HSD17B3: variants seen among roughly 807,000 people sequenced by gnomAD.
HSD17B3 encodes the protein hydroxysteroid 17-beta dehydrogenase 3.
A neutral mutation model predicts 41.1 loss-of-function variants in HSD17B3; 29 were observed. The ratio of observed to expected loss-of-function variants is 0.71; its 90% CI spans 0.53 to 0.96. HSD17B3 has a LOEUF of 0.96. Ranked by LOEUF, HSD17B3 falls within the 40% of genes least tolerant of loss-of-function variation. The probability of loss-of-function intolerance (pLI) is 0.00; values close to 1 mark genes in which losing one functional copy is unlikely to be tolerated. For synonymous variants in HSD17B3, 126 were observed against 145.6 expected (o/e 0.87, Z 0.97); for missense variants, 323 against 374.6 (o/e 0.86, Z 1.14).
At chr9:96,237,373 G>C (rs1370175265) in intron 10 of HSD17B3, among the ~76,000 whole-genome samples, 1 of 152,162 alleles carries the variant, frequency 6.6e-6, no homozygotes, top group Non-Finnish European at 1.5e-5. Context: ...ATTACCAGCT[G>C]GGTGGCCATG....
At chr9:96,270,562 C>T (rs1055784475) in intron 2 of HSD17B3, among the ~76,000 whole-genome samples, 3 of 152,232 alleles carry the variant, frequency 2.0e-5, no homozygotes, top group African/African-American at 7.2e-5. Flanking sequence ...TAAGCATGTG[C>T]TATTATTCAA....
rs577132997 is a variant in HSD17B3 at position 96,251,309 on chromosome 9, C to T, written c.453+109G>A. 4.0e-5 allele frequency: 35 copies of T among 874,634 alleles called. No individual in the cohort carries two copies. In the Middle Eastern group the frequency reaches 6.8e-4, roughly 17 times the overall value. 54.2% of individuals were successfully genotyped at this position (874,634 alleles called of 1,614,324 possible). The stretch of plus-strand genomic sequence containing the variant: ...CCTCAATACATACAGTCCAGGATTT[C>T]GGCCAGATGCATGCTTCCATCACGC... On this transcript the variant is annotated intron_variant, in intron 5 of 10. Coordinates refer to ENST00000375263, the MANE Select transcript of HSD17B3 (RefSeq NM_000197.2).
intron 2 of HSD17B3, among the ~76,000 whole-genome samples, chr9:96,282,939 A>G (rs1395149266): frequency 6.9e-6 from 1 of 145,226 alleles, no homozygotes; most frequent in Admixed American, 6.8e-5. Context: ...GAAGTATTTT[A>G]TTCAGTTTTT....
chr9:96,264,950 T>C (rs1825999772), intron 2 of HSD17B3, among the ~76,000 whole-genome samples: 1 of 152,234 alleles, frequency 6.6e-6, no homozygotes, highest in Non-Finnish European at 1.5e-5. Flanking sequence ...TGTTAAATTG[T>C]TAAAGAAAAC....
intron 1 of HSD17B3, among the ~76,000 whole-genome samples, chr9:96,298,724 G>A (rs754724434): frequency 2.0e-5 from 3 of 152,054 alleles, no homozygotes; most frequent in Admixed American, 1.3e-4. Context: ...AGGGATTGGC[G>A]AGACTGTGGA....
At chr9:96,254,016 A>G (rs540429553) in intron 3 of HSD17B3, among the ~76,000 whole-genome samples, 1 of 152,290 alleles carries the variant, frequency 6.6e-6, no homozygotes, top group Admixed American at 6.5e-5. Context: ...CATAGTCTTC[A>G]CAAGTCTCCA....
At chr9:96,251,018 C>T (rs1836878503) in intron 5 of HSD17B3, 1 of 214,182 alleles carries the variant, frequency 4.7e-6, no homozygotes, top group Admixed American at 5.1e-5. Context: ...ATATACTTCC[C>T]TCACACTGAA....
At chr9:96,291,912 G>T (rs1052730612) in intron 2 of HSD17B3, among the ~76,000 whole-genome samples, 1 of 151,772 alleles carries the variant, frequency 6.6e-6, no homozygotes, top group Non-Finnish European at 1.5e-5. Context: ...AACCAAGATC[G>T]CACCATTGCA....
chr9:96,298,856 G>A (rs1169394617), intron 1 of HSD17B3, among the ~76,000 whole-genome samples: 2 of 152,080 alleles, frequency 1.3e-5, no homozygotes, highest in Non-Finnish European at 1.5e-5. Context: ...TTATCTCTCT[G>A]CCCAGGCACC....
intron 2 of HSD17B3, among the ~76,000 whole-genome samples, chr9:96,270,354 G>T (rs775780333): frequency 3.9e-5 from 6 of 152,038 alleles, no homozygotes; most frequent in Admixed American, 6.6e-5. Flanking sequence ...TCAAAGCCTG[G>T]ATTAGAAATT....
At chr9:96,237,739 C>A (rs1050293299) in intron 10 of HSD17B3, among the ~76,000 whole-genome samples, 3 of 152,216 alleles carry the variant, frequency 2.0e-5, no homozygotes, top group Non-Finnish European at 4.4e-5. Context: ...TCTCCTATTT[C>A]ACCAGGCACA....
At chr9:96,260,329 A>G (rs1398966200) in intron 2 of HSD17B3, among the ~76,000 whole-genome samples, 1 of 152,198 alleles carries the variant, frequency 6.6e-6, no homozygotes, top group Admixed American at 6.5e-5. Flanking sequence ...CCAGTTTTAA[A>G]ACTGAAAGTC....
intron 10 of HSD17B3, among the ~76,000 whole-genome samples, chr9:96,237,933 C>A (rs546858976): frequency 4.1e-4 from 62 of 152,028 alleles, no homozygotes; most frequent in African/African-American, 1.4e-3. Flanking sequence ...AGTTCAAGAC[C>A]AGTCTGGGCA....
At chr9:96,261,640 C>A (rs756495660) in intron 2 of HSD17B3, among the ~76,000 whole-genome samples, 2 of 152,210 alleles carry the variant, frequency 1.3e-5, no homozygotes, top group African/African-American at 4.8e-5. Context: ...GGCACCTCCA[C>A]GGGGAGAACC....
chr9:96,260,645 G>A (rs562098804), intron 2 of HSD17B3, among the ~76,000 whole-genome samples: 5 of 152,178 alleles, frequency 3.3e-5, no homozygotes, highest in African/African-American at 1.2e-4. Context: ...ATGCCTATAA[G>A]TCTCAGCTAC....
At chr9:96,261,828 T>C (rs1278922258) in intron 2 of HSD17B3, among the ~76,000 whole-genome samples, 1 of 152,230 alleles carries the variant, frequency 6.6e-6, no homozygotes, top group Non-Finnish European at 1.5e-5. Flanking sequence ...GGAGAACTGC[T>C]AGGCCAGGAA....
chr9:96,249,421 C>T (rs558405981), intron 6 of HSD17B3, among the ~76,000 whole-genome samples: 1 of 152,270 alleles, frequency 6.6e-6, no homozygotes, highest in East Asian at 1.9e-4. Flanking sequence ...ATCTACAAAG[C>T]CTAAAATTAG....
At chr9:96,253,127 A>G (rs1275028194) in intron 3 of HSD17B3, among the ~76,000 whole-genome samples, 1 of 152,224 alleles carries the variant, frequency 6.6e-6, no homozygotes, top group African/African-American at 2.4e-5. Context: ...CTGCAGGGAC[A>G]CGTATATGCA....
At chr9:96,249,125 T>C (rs1836791291) in intron 6 of HSD17B3, among the ~76,000 whole-genome samples, 1 of 152,118 alleles carries the variant, frequency 6.6e-6, no homozygotes, top group Non-Finnish European at 1.5e-5. Flanking sequence ...CAGGACGGTC[T>C]CCAACTCCTG....
Sources: allele counts gnomAD v4.1 joint callset (sites outside exome capture counted in the v4.1 genomes callset), GRCh38; gene constraint gnomAD v4.1.1; transcripts MANE v1.5; gene names NCBI Gene and HGNC (gene_info 2026-07-23, HGNC 2026-07-21).